The following TCEANC2 variants were observed in gnomAD, a reference collection of about 807,000 sequenced individuals.
The protein encoded by TCEANC2 is transcription elongation factor A N-terminal and central domain-containing protein 2.
TCEANC2 carries 20 observed loss-of-function variants against 22.8 expected under a neutral mutation model. The ratio of observed to expected loss-of-function variants is 0.88; its 90% CI spans 0.62 to 1.28. The LOEUF is 1.28. TCEANC2 is among the 50% of genes most tolerant of loss of function. The pLI, the probability that TCEANC2 is intolerant of heterozygous loss-of-function variation, is 0.00. For missense variants in TCEANC2, 251 were observed against 249.7 expected, an observed-to-expected ratio of 1.01 and a Z score of -0.03; for synonymous variants, 84 against 95.5, an observed-to-expected ratio of 0.88 and a Z score of 0.70.
intron 2 of TCEANC2, among the ~76,000 whole-genome samples, chr1:54,060,277 C>T (rs555488199): frequency 2.6e-5 from 4 of 152,176 alleles, no homozygotes; most frequent in East Asian, 1.9e-4. Context: ...TGGTCGCGCG[C>T]GCCTGTAGTC....
At position 54,105,447 on chromosome 1, in the gene TCEANC2, A is replaced by C. The variant is rs1658735818; in HGVS notation, c.*8974A>C. The C allele has an allele frequency of 6.6e-6, 1 of 152,202 alleles. No individual in the cohort carries two copies. Among genetic ancestry groups the C allele is most frequent in the Non-Finnish European group, 1.5e-5 (1 of 68,046 alleles). The allele number at this position is 152,202 out of a possible 1,614,324, so 9.4% of individuals were successfully genotyped here. On this transcript the variant is annotated 3_prime_UTR_variant, in exon 5 of 5. Transcript: ENST00000234827. ...ATGAGACTGGCTGAGGTCTTCATAC[A>C]GCATCGGAGCCCAATTTATCTCTCT...
chr1:54,068,303 AAG>A (rs1657994418), intron 2 of TCEANC2, among the ~76,000 whole-genome samples: 1 of 152,242 alleles, frequency 6.6e-6, no homozygotes. Flanking sequence ...TTATTTGAAC[AAG>A]AGAGAGTTTT....
rs1220110048 is a variant in TCEANC2 at position 54,098,913 on chromosome 1, A to G, written c.*2440A>G. On this transcript the variant is annotated 3_prime_UTR_variant, in exon 5 of 5. Transcript: ENST00000234827. ...GAGCAAGCAGAGTATGGAAAAACCCAGAAGTGGAGATATCTGGAAGGTGAT... is the reference window on the plus strand; with the variant it reads ...GAGCAAGCAGAGTATGGAAAAACCCGGAAGTGGAGATATCTGGAAGGTGAT... The G allele has an allele frequency of 1.3e-5, 2 of 152,342 alleles. No individual in the cohort carries two copies. Among genetic ancestry groups the G allele is most frequent in the Admixed American group, 1.3e-4 (2 of 15,280 alleles). 9.4% of individuals were successfully genotyped at this position (152,342 alleles called of 1,614,324 possible).
intron 2 of TCEANC2, among the ~76,000 whole-genome samples, chr1:54,059,256 G>A (rs1657807374): frequency 6.6e-6 from 1 of 150,988 alleles, no homozygotes; most frequent in African/African-American, 2.4e-5. Flanking sequence ...GAGTTCAAGC[G>A]ATTCTCCTGC....
intron 3 of TCEANC2, among the ~76,000 whole-genome samples, chr1:54,073,042 T>C (rs1039130374): frequency 1.3e-5 from 2 of 152,170 alleles, no homozygotes; most frequent in African/African-American, 4.8e-5. Flanking sequence ...CACAGCTCAC[T>C]GCAGCCTTGA....
chr1:54,106,949 C>T (rs1394056834), downstream of TCEANC2, among the ~76,000 whole-genome samples: 2 of 152,134 alleles, frequency 1.3e-5, no homozygotes, highest in African/African-American at 4.8e-5. Flanking sequence ...GCCCCTCACC[C>T]AGTTTCCACC....
intron 2 of TCEANC2, among the ~76,000 whole-genome samples, chr1:54,060,743 C>A (rs1262216716): frequency 6.6e-6 from 1 of 151,824 alleles, no homozygotes; most frequent in African/African-American, 2.4e-5. Context: ...AGTTTGAGAC[C>A]AGCCTGGCCA....
chr1:54,088,464 T>C (rs1249553852), intron 3 of TCEANC2, 133 bp from the exon 4 acceptor site: 1 of 632,198 alleles, frequency 1.6e-6, no homozygotes, highest in African/African-American at 2.0e-5. Context: ...AATGGGTTTC[T>C]TTTGCACAAG....
chr1:54,082,663 A>G (rs1255847052), intron 3 of TCEANC2, among the ~76,000 whole-genome samples: 1 of 151,986 alleles, frequency 6.6e-6, no homozygotes, highest in African/African-American at 2.4e-5. Context: ...GCTGCTCTCT[A>G]TGGCTAGAAG....
chr1:54,090,384 A>C (rs922780041), intron 4 of TCEANC2, among the ~76,000 whole-genome samples: 13 of 152,242 alleles, frequency 8.5e-5, no homozygotes, highest in African/African-American at 3.1e-4. Context: ...AATGTTGGGC[A>C]AGTTATGATT....
In TCEANC2 at chr1:54,099,428, C is replaced by T. The variant is rs1429270858; in HGVS notation, c.*2955C>T. 6.6e-6 allele frequency: 1 copy of T among 152,188 alleles called. No individual in the cohort carries two copies. Among genetic ancestry groups the T allele is most frequent in the Non-Finnish European group, 1.5e-5 (1 of 68,058 alleles). The allele number at this position is 152,188 out of a possible 1,614,324, so 9.4% of individuals were successfully genotyped here. The stretch of plus-strand genomic sequence containing the variant: ...CTTGCCCACACACTGAGAAGTAACT[C>T]GGAGCTACAGTCTGTTAAAAATGAA... On this transcript the variant is annotated 3_prime_UTR_variant, in exon 5 of 5. Transcript: ENST00000234827.
intron 3 of TCEANC2, among the ~76,000 whole-genome samples, chr1:54,077,230 G>A (rs902292882): frequency 1.3e-5 from 2 of 152,102 alleles, no homozygotes; most frequent in Admixed American, 6.5e-5. Context: ...CCACTGGCTC[G>A]CTCTTTCTGC....
At chr1:54,060,273 C>T (rs536854201) in intron 2 of TCEANC2, among the ~76,000 whole-genome samples, 63 of 152,178 alleles carry the variant, frequency 4.1e-4, no homozygotes, top group African/African-American at 1.4e-3. Flanking sequence ...GGCGTGGTCG[C>T]GCGCGCCTGT....
At chr1:54,066,618 G>A (rs779817456) in intron 2 of TCEANC2, among the ~76,000 whole-genome samples, 1 of 152,186 alleles carries the variant, frequency 6.6e-6, no homozygotes, top group Non-Finnish European at 1.5e-5. Flanking sequence ...TAAGACATTT[G>A]TGTATAAAAA....
At chr1:54,064,666 C>A (rs1363542337) in intron 2 of TCEANC2, among the ~76,000 whole-genome samples, 3 of 150,538 alleles carry the variant, frequency 2.0e-5, no homozygotes, top group Non-Finnish European at 4.4e-5. Context: ...AGGCAAGCGA[C>A]CGGTTTTGTT....
downstream of TCEANC2, among the ~76,000 whole-genome samples, chr1:54,108,520 G>C (rs920749976): frequency 5.1e-4 from 77 of 152,292 alleles, no homozygotes; most frequent in African/African-American, 1.7e-3. Context: ...TACAAGCCAA[G>C]GAGAGAGGCC....
chr1:54,089,000 G>A (rs965903564), intron 4 of TCEANC2, among the ~76,000 whole-genome samples: 1 of 152,066 alleles, frequency 6.6e-6, no homozygotes, highest in African/African-American at 2.4e-5. Flanking sequence ...TAAGCATTCC[G>A]GGAGACAGTG....
chr1:54,096,815 A>T lies in TCEANC2; in HGVS notation c.*342A>T. 1 of 1,024,034 alleles carries T rather than the reference A, an allele frequency of 9.8e-7. No homozygotes were observed. Among genetic ancestry groups the T allele is most frequent in the Non-Finnish European group, 1.2e-6 (1 of 854,204 alleles). 63.4% of individuals were successfully genotyped at this position (1,024,034 alleles called of 1,614,324 possible). On this transcript the variant is annotated 3_prime_UTR_variant, in exon 5 of 5. Coordinates refer to ENST00000234827, the MANE Select transcript of TCEANC2 (RefSeq NM_153035.3). The surrounding 1 kb of genome is among the most constrained non-coding windows in gnomAD (Gnocchi z 4.9). ...AAACTTCCCCCATGTCAGTCAGATGAAGTTACTACTATATTTCACCACCCT... is the reference window on the plus strand; with the variant it reads ...AAACTTCCCCCATGTCAGTCAGATGTAGTTACTACTATATTTCACCACCCT...
chr1:54,100,764 T>G lies in TCEANC2; in HGVS notation c.*4291T>G, dbSNP rs1374898327. 1 of 152,124 alleles carries G rather than the reference T, an allele frequency of 6.6e-6. No individual in the cohort carries two copies. Among genetic ancestry groups the G allele is most frequent in the Non-Finnish European group, 1.5e-5 (1 of 68,012 alleles). 9.4% of individuals were successfully genotyped at this position (152,124 alleles called of 1,614,324 possible). On this transcript the variant is annotated 3_prime_UTR_variant, in exon 5 of 5. Coordinates refer to ENST00000234827, the MANE Select transcript of TCEANC2 (RefSeq NM_153035.3). ...AGGCCTTGGAGGCCTTATCAACGAG[T>G]TTGGACTTTGGCCTTCAGATAATGG...
Sources: allele counts gnomAD v4.1 joint callset (sites outside exome capture counted in the v4.1 genomes callset), GRCh38; gene constraint gnomAD v4.1.1; non-coding constraint Gnocchi (gnomAD v3.1); transcripts MANE v1.5; gene names NCBI Gene and HGNC (gene_info 2026-07-23, HGNC 2026-07-21).